The following PARD3B variants were observed in gnomAD, a reference collection of about 807,000 sequenced individuals.
PARD3B encodes partitioning defective 3 homolog B.
PARD3B carries 103 observed loss-of-function variants against 130.2 expected under a neutral mutation model. The observed-to-expected ratio is 0.79, with a 90% CI of 0.67 to 0.93. The LOEUF (loss-of-function observed/expected upper bound fraction) is 0.93, where lower values mean the gene tolerates loss of function less well. Among genes scored for constraint, PARD3B ranks in the 40% least tolerant of loss-of-function variants. The pLI, the probability that PARD3B is intolerant of heterozygous loss-of-function variation, is 0.00. For missense variants in PARD3B, 1,609 were observed against 1,499.2 expected (o/e 1.07, Z -1.21); for synonymous variants, 583 against 553.2 (o/e 1.05, Z -0.76).
At position 205,078,317 on chromosome 2, in the gene PARD3B, C is replaced by T. The variant is rs756124372; in HGVS notation, c.505-26109C>T. Among the ~76,000 whole-genome samples the T allele has an allele frequency of 1.3e-5, 2 of 152,164 alleles. No homozygotes were observed. Among genetic ancestry groups the T allele is most frequent in the Non-Finnish European group, 2.9e-5 (2 of 68,014 alleles). On this transcript the variant is annotated intron_variant, in intron 4 of 22. Coordinates refer to ENST00000406610, the MANE Select transcript of PARD3B (RefSeq NM_001302769.2). The surrounding 1 kb of genome is among the most constrained non-coding windows in gnomAD (Gnocchi z 4.0). Reference sequence around the variant, plus strand: ...ACAGAGCAATTTAGTATTGTAGGTTCACTCAATGGCTATCGCAGCATCATT... The same window carrying T: ...ACAGAGCAATTTAGTATTGTAGGTTTACTCAATGGCTATCGCAGCATCATT...
intron 20 of PARD3B, among the ~76,000 whole-genome samples, chr2:205,485,648 G>A (rs186683685): frequency 3.9e-5 from 6 of 152,248 alleles, no homozygotes; most frequent in Non-Finnish European, 7.4e-5. Flanking sequence ...TCTTCAGTGG[G>A]TCTGCATCAT....
intron 22 of PARD3B, among the ~76,000 whole-genome samples, chr2:205,576,873 A>C (rs1223513894): frequency 6.6e-6 from 1 of 152,192 alleles, no homozygotes; most frequent in African/African-American, 2.4e-5. Flanking sequence ...GAATCTGTAG[A>C]TCAAGTTGGG....
intron 2 of PARD3B, among the ~76,000 whole-genome samples, chr2:204,766,449 T>G (rs1029251548): frequency 6.6e-6 from 1 of 152,196 alleles, no homozygotes; most frequent in African/African-American, 2.4e-5. Context: ...ATGGTAACTA[T>G]TGTCATTAGC....
chr2:205,365,719 G>A (rs2044583363), intron 18 of PARD3B, among the ~76,000 whole-genome samples: 1 of 152,032 alleles, frequency 6.6e-6, no homozygotes, highest in Non-Finnish European at 1.5e-5. Context: ...TTATCTTTAT[G>A]GAAGGAAAGG....
At chr2:205,262,838 T>C (rs2040366229) in intron 16 of PARD3B, among the ~76,000 whole-genome samples, 1 of 152,134 alleles carries the variant, frequency 6.6e-6, no homozygotes, top group African/African-American at 2.4e-5. Context: ...CATTTATTGC[T>C]TTACATTTTA....
intron 2 of PARD3B, among the ~76,000 whole-genome samples, chr2:204,693,053 T>G (rs2037430319): frequency 6.6e-6 from 1 of 152,014 alleles, no homozygotes; most frequent in South Asian, 2.1e-4. Flanking sequence ...GACATCCTTG[T>G]TTTTGTTGGT....
rs12694005 is a variant in PARD3B, at chr2:204,648,791, G to T, written c.121-37390G>T. On this transcript the variant is annotated intron_variant, in intron 1 of 22. Transcript: ENST00000406610. The stretch of plus-strand genomic sequence containing the variant: ...ATATAAATAATATATATTTATAATA[G>T]ATATCATATAAATAATATATATTTA... Among the ~76,000 whole-genome samples, 34 of 8,078 alleles carry T rather than the reference G, an allele frequency of 4.2e-3. 2 individuals carry two copies. Among genetic ancestry groups the T allele is most frequent in the South Asian group, 8.1e-3 (2 of 246 alleles). 5.3% of individuals were successfully genotyped at this position (8,078 alleles called of 152,430 possible). A position where few individuals can be genotyped will look rare whatever the true frequency, so the allele number is the denominator to read the frequency against.
rs1553560828 is a variant in PARD3B, at chr2:205,607,831, T to TACACCCATACACACACACACAC, written c.3261-7621_3261-7620insCCATACACACACACACACACAC. ...TGGAGGCCCTCTCCCCCAACACCCA[T>TACACCCATACACACACACACAC]ACACACACACACACACACACACACA... On this transcript the variant is annotated intron_variant, in intron 22 of 22. Coordinates refer to ENST00000406610, the MANE Select transcript of PARD3B (RefSeq NM_001302769.2). Among the ~76,000 whole-genome samples, 180 of 116,216 alleles carry TACACCCATACACACACACACAC rather than the reference T, an allele frequency of 1.5e-3. 3 individuals carry two copies. The highest frequency in any genetic ancestry group is 7.0e-3 in the African/African-American group (172 of 24,558). 76.2% of individuals were successfully genotyped at this position (116,216 alleles called of 152,430 possible).
At chr2:204,946,661 G>C (rs1689349550) in intron 2 of PARD3B, among the ~76,000 whole-genome samples, 1 of 152,152 alleles carries the variant, frequency 6.6e-6, no homozygotes, top group Admixed American at 6.6e-5. Flanking sequence ...GAACCACTAG[G>C]CTTGTGCATG....
At chr2:204,953,653 A>G (rs954034724) in intron 2 of PARD3B, among the ~76,000 whole-genome samples, 2 of 152,236 alleles carry the variant, frequency 1.3e-5, no homozygotes, top group African/African-American at 4.8e-5. Context: ...GTGGTAAAGT[A>G]CAAAAGTGGC....
chr2:204,919,459 T>A (rs1314939589), intron 2 of PARD3B, among the ~76,000 whole-genome samples: 2 of 152,176 alleles, frequency 1.3e-5, no homozygotes, highest in Non-Finnish European at 2.9e-5. Context: ...TACCATAAAT[T>A]GGTTTTGCCT....
At chr2:205,016,658 G>A (rs1316726682) in intron 3 of PARD3B, among the ~76,000 whole-genome samples, 4 of 152,152 alleles carry the variant, frequency 2.6e-5, no homozygotes, top group Non-Finnish European at 5.9e-5. Context: ...TGAAAATATA[G>A]GTTTCCAGAG....
chr2:204,681,819 G>T (rs768701391), intron 1 of PARD3B, among the ~76,000 whole-genome samples: 6 of 152,144 alleles, frequency 3.9e-5, no homozygotes, highest in Non-Finnish European at 8.8e-5. Flanking sequence ...ATGCCCCCAG[G>T]AGATTATTAT....
intron 3 of PARD3B, among the ~76,000 whole-genome samples, chr2:205,005,457 G>A (rs1468804209): frequency 6.6e-6 from 1 of 152,118 alleles, no homozygotes; most frequent in Non-Finnish European, 1.5e-5. Context: ...GTCAGCACCA[G>A]AAGAAACAAC....
At chr2:204,961,114 G>A (rs1559302230) in intron 2 of PARD3B, among the ~76,000 whole-genome samples, 1 of 152,136 alleles carries the variant, frequency 6.6e-6, no homozygotes, top group Non-Finnish European at 1.5e-5. Context: ...TGACCTTCTG[G>A]GCCATTGCAG....
At chr2:205,188,431 A>G (rs1160671378) in intron 14 of PARD3B, among the ~76,000 whole-genome samples, 1 of 152,186 alleles carries the variant, frequency 6.6e-6, no homozygotes, top group Non-Finnish European at 1.5e-5. Context: ...AGATGACAGT[A>G]TCAGGCAGAG....
Position 205,185,786 on chromosome 2 carries a change from A to T in PARD3B, c.1947A>T (p.Gly649=). The part of the protein sequence containing the change: ...KQKGLLLPND[G]WAESEVPPSP... The stretch of plus-strand genomic sequence containing the variant: ...TAGGTCTATTGCTGCCCAATGACGG[A>T]TGGGCCGAGAGTGAAGTTCCACCTT... The change falls in exon 14 of 23, where the codon GGA becomes GGT. Residue 649 remains glycine, a synonymous_variant. Coordinates refer to ENST00000406610, the MANE Select transcript of PARD3B (RefSeq NM_001302769.2). 6.2e-7 allele frequency: 1 copy of T among 1,613,980 alleles called. No homozygotes were observed. The highest frequency in any genetic ancestry group is 8.5e-7 in the Non-Finnish European group (1 of 1,179,872).
intron 2 of PARD3B, among the ~76,000 whole-genome samples, chr2:204,937,901 G>A (rs755655447): frequency 1.1e-4 from 16 of 152,070 alleles, no homozygotes; most frequent in South Asian, 2.1e-4. Flanking sequence ...GATTGTCTTC[G>A]GGGAAATCTG....
At chr2:204,584,955 C>A (rs900478636) in intron 1 of PARD3B, among the ~76,000 whole-genome samples, 1 of 152,154 alleles carries the variant, frequency 6.6e-6, no homozygotes, top group African/African-American at 2.4e-5. Flanking sequence ...ACTGCATCAT[C>A]CGTAGGGTTG....
Sources: allele counts gnomAD v4.1 joint callset (sites outside exome capture counted in the v4.1 genomes callset), GRCh38; gene constraint gnomAD v4.1.1; non-coding constraint Gnocchi (gnomAD v3.1); transcripts MANE v1.5; gene names NCBI Gene and HGNC (gene_info 2026-07-23, HGNC 2026-07-21).